Variants in ZNF329 observed in about 807,000 individuals in gnomAD.
ZNF329 encodes zinc finger protein 329.
Under a neutral mutation model 26.6 loss-of-function variants are expected in ZNF329, and 15 were observed. That is an observed-to-expected ratio of 0.56 (90% confidence interval 0.38 to 0.87). The LOEUF is 0.87. Ranked by LOEUF, ZNF329 falls within the 40% of genes least tolerant of loss-of-function variation. The probability of loss-of-function intolerance (pLI) is 0.00; values close to 1 mark genes in which losing one functional copy is unlikely to be tolerated. For missense variants in ZNF329, 651 were observed against 651.9 expected (o/e 1.00, Z 0.02); for synonymous variants, 239 against 233.5 (o/e 1.02, Z -0.21).
chr19:58,141,889 A>G (rs192851948), intron 3 of ZNF329, among the ~76,000 whole-genome samples: 2,164 of 149,520 alleles, frequency 0.014, 43 homozygotes, highest in African/African-American at 0.05. Flanking sequence ...GCGAACCTCC[A>G]TCTCAAAAAA....
intron 1 of ZNF329, among the ~76,000 whole-genome samples, chr19:58,145,153 T>A (rs1168048614): frequency 6.7e-6 from 1 of 150,344 alleles, no homozygotes; most frequent in East Asian, 2.0e-4. Flanking sequence ...CTGGCCATTT[T>A]TTTTTTTTAA....
chr19:58,131,464 T>C (rs943647997), intron 3 of ZNF329, among the ~76,000 whole-genome samples: 1 of 152,114 alleles, frequency 6.6e-6, no homozygotes, highest in Non-Finnish European at 1.5e-5. Context: ...TTAAGAAGTC[T>C]GATATCAGCA....
At chr19:58,141,512 C>T (rs2075187636) in intron 3 of ZNF329, among the ~76,000 whole-genome samples, 1 of 152,076 alleles carries the variant, frequency 6.6e-6, no homozygotes, top group Non-Finnish European at 1.5e-5. Flanking sequence ...TGAGGCTAGT[C>T]TTGAACTCCT....
At chr19:58,132,022 C>CAA (rs11317433) in intron 3 of ZNF329, among the ~76,000 whole-genome samples, 2 of 98,982 alleles carry the variant, frequency 2.0e-5, no homozygotes, top group Admixed American at 1.1e-4. Context: ...GACTCTGCCT[C>CAA]AAAAAAAAAA....
rs368453501 is a variant in ZNF329 at position 58,129,032 on chromosome 19, G to T, written c.472C>A (p.His158Asn). The change falls in exon 4 of 4, where the codon CAT becomes AAT. Residue 158 changes from histidine to asparagine, a missense_variant. His to Asn is a moderately conservative substitution (Grantham distance 68). Transcript: ENST00000598312. ...TTCTGATGACCAAGAGAGGTAAAAT[G>T]ATTAAAAGACTTAACACTTTCAGGG... ...KYPESVKSFNHFTSLGHQKIM... is the reference protein window; with the variant it reads ...KYPESVKSFNNFTSLGHQKIM... 1.9e-6 allele frequency: 3 copies of T among 1,613,764 alleles called. No individual in the cohort carries two copies. Among genetic ancestry groups the T allele is most frequent in the African/African-American group, 1.3e-5 (1 of 74,888 alleles).
In ZNF329 at chr19:58,129,483, A is replaced by G; in HGVS notation, c.21T>C (p.Thr7=). The part of the protein sequence containing the change: MRLKMT[T]RNFPEREVPC... Reference sequence around the variant, plus strand: ...GTACTTCTCTCTCAGGAAAATTCCGAGTCGTCATTTTCAATCTCATATCCC... The same window carrying G: ...GTACTTCTCTCTCAGGAAAATTCCGGGTCGTCATTTTCAATCTCATATCCC... Residue 7 remains threonine, a synonymous_variant, in exon 4 of 4, where the codon ACT becomes ACC. Transcript: ENST00000598312. The G allele has an allele frequency of 6.3e-7, 1 of 1,596,718 alleles. No homozygotes were observed. Among genetic ancestry groups the G allele is most frequent in the African/African-American group, 1.3e-5 (1 of 74,196 alleles).
chr19:58,154,695 ACCC>A, upstream of ZNF329: 2 of 132,706 alleles, frequency 1.5e-5, no homozygotes, highest in Non-Finnish European at 1.6e-5. Flanking sequence ...CTCGCAGACC[ACCC>A]CCCCCCCCGC....
At position 58,147,199 on chromosome 19, in the gene ZNF329, C is replaced by T. The variant is rs879564197; in HGVS notation, c.-208+3553G>A. On this transcript the variant is annotated intron_variant, in intron 1 of 3. Transcript: ENST00000598312. ...GATGTGAGGAGCGCCTCTGCCCGGC[C>T]GCGACCCCGTCTGGGAGGTGAGGAG... is the stretch of plus-strand genomic sequence containing the variant. Among the ~76,000 whole-genome samples the T allele has an allele frequency of 8.9e-3, 1,340 of 151,108 alleles. 9 individuals carry two copies. Among genetic ancestry groups the T allele is most frequent in the Non-Finnish European group, 0.014 (971 of 67,782 alleles).
At chr19:58,131,301 C>A (rs1006106443) in intron 3 of ZNF329, among the ~76,000 whole-genome samples, 4 of 151,818 alleles carry the variant, frequency 2.6e-5, no homozygotes, top group African/African-American at 9.7e-5. Context: ...TCCCAGCACT[C>A]TGGGAGGCTG....
Position 58,127,935 on chromosome 19 carries a change from G to A in ZNF329, c.1569C>T (p.Ser523=). 6.2e-7 allele frequency: 1 copy of A among 1,612,966 alleles called. No individual in the cohort carries two copies. The highest frequency in any genetic ancestry group is 2.2e-5 in the East Asian group (1 of 44,870). The change falls in exon 4 of 4, where the codon AGC becomes AGT. Residue 523 remains serine (S), a synonymous_variant. Transcript: ENST00000598312. The stretch of plus-strand genomic sequence containing the variant: ...CTCTTTGATGTCGAACAAGGGATGA[G>A]CTCTTTTGGAACATTTTTCCACACT... ...CPQCGKMFQK[S]SSLVRHQRAH...
chr19:58,146,179 A>G (rs548900598), intron 1 of ZNF329, among the ~76,000 whole-genome samples: 2 of 152,250 alleles, frequency 1.3e-5, no homozygotes, highest in Non-Finnish European at 2.9e-5. Context: ...TGTATCAATA[A>G]TAAAGTATCT....
chr19:58,128,562 T>C lies in ZNF329; in HGVS notation c.942A>G (p.Pro314=), dbSNP rs983366530. ...GTTTCCCACATTCGTTACATCTATA[T>C]GGTTTTTCCCCTGTATGAGTTCTTT... ...LHQRTHTGEK[P]YRCNECGKPF... Residue 314 remains proline, a synonymous_variant, in exon 4 of 4, where the codon CCA becomes CCG. Transcript: ENST00000598312. 4 of 1,613,996 alleles carry C rather than the reference T, an allele frequency of 2.5e-6. No homozygotes were observed. In the African/African-American group the frequency reaches 5.3e-5, roughly 22 times the overall value.
intron 1 of ZNF329, among the ~76,000 whole-genome samples, chr19:58,146,391 T>C (rs934323157): frequency 7.9e-5 from 12 of 151,986 alleles, no homozygotes; most frequent in East Asian, 3.9e-4. Flanking sequence ...GGAAAACCAC[T>C]TGAGCCTGGG....
At chr19:58,153,159 G>T (rs2075487245), upstream of ZNF329, among the ~76,000 whole-genome samples, 1 of 152,068 alleles carries the variant, frequency 6.6e-6, no homozygotes, top group African/African-American at 2.4e-5. Context: ...CCCCAGGCTG[G>T]AGTGCAGTGA....
chr19:58,140,522 C>G (rs1397142650), intron 3 of ZNF329, among the ~76,000 whole-genome samples: 1 of 151,158 alleles, frequency 6.6e-6, no homozygotes, highest in African/African-American at 2.4e-5. Flanking sequence ...ACGCCATTCT[C>G]CTGCCTCAGC....
At chr19:58,151,553 A>C (rs1183635464), upstream of ZNF329, among the ~76,000 whole-genome samples, 1 of 148,720 alleles carries the variant, frequency 6.7e-6, no homozygotes, top group African/African-American at 2.5e-5. Flanking sequence ...GTGAGCTGAG[A>C]TCGTACCATC....
chr19:58,133,347 A>G (rs1430305763), intron 3 of ZNF329, among the ~76,000 whole-genome samples: 1 of 152,208 alleles, frequency 6.6e-6, no homozygotes, highest in Non-Finnish European at 1.5e-5. Context: ...ACACTTTGGT[A>G]GGCCAAGGTG....
chr19:58,138,738 T>C (rs1253888792), intron 3 of ZNF329, among the ~76,000 whole-genome samples: 1 of 152,184 alleles, frequency 6.6e-6, no homozygotes, highest in Non-Finnish European at 1.5e-5. Context: ...GGCTCACACC[T>C]GTAATCCCAG....
intron 3 of ZNF329, among the ~76,000 whole-genome samples, chr19:58,133,695 A>T (rs376887885): frequency 6.6e-6 from 1 of 152,116 alleles, no homozygotes; most frequent in East Asian, 1.9e-4. Context: ...AAACAAAGGA[A>T]TTGATGAATA....
Sources: allele counts gnomAD v4.1 joint callset (sites outside exome capture counted in the v4.1 genomes callset), GRCh38; gene constraint gnomAD v4.1.1; transcripts MANE v1.5; gene names NCBI Gene and HGNC (gene_info 2026-07-23, HGNC 2026-07-21).